CDH13: variants seen among roughly 807,000 people sequenced by gnomAD.
CDH13 encodes cadherin 13.
In CDH13, 24 loss-of-function variants were observed where a neutral mutation model predicts 63.8. That is an observed-to-expected ratio of 0.38 (90% CI 0.27 to 0.53). CDH13 has a LOEUF of 0.53. Among genes scored for constraint, CDH13 ranks in the 20% least tolerant of loss-of-function variants. CDH13 has a pLI of 0.85. For missense variants in CDH13, 1,049 were observed against 903.1 expected, an observed-to-expected ratio of 1.16 and a Z score of -2.07; for synonymous variants, 503 against 355.3, an observed-to-expected ratio of 1.42 and a Z score of -4.67.
At chr16:82,936,100 T>C (rs1199731704) in intron 2 of CDH13, among the ~76,000 whole-genome samples, 1 of 152,176 alleles carries the variant, frequency 6.6e-6, no homozygotes, top group Non-Finnish European at 1.5e-5. Context: ...GTCTGCTTCT[T>C]ACTGTACATG....
chr16:82,844,877 G>C (rs181922256), intron 1 of CDH13: 1 of 151,460 alleles, frequency 6.6e-6, no homozygotes, highest in East Asian at 2.0e-4. Flanking sequence ...GAATGGTCTT[G>C]ATCTCCTGAC....
chr16:83,247,293 TTTACA>T (rs947594579), intron 5 of CDH13, among the ~76,000 whole-genome samples: 3 of 152,116 alleles, frequency 2.0e-5, no homozygotes, highest in Non-Finnish European at 2.9e-5. Flanking sequence ...CCAGACATAA[TTTACA>T]TGGAGGCTTG....
intron 8 of CDH13, among the ~76,000 whole-genome samples, chr16:83,662,987 C>A (rs1056099796): frequency 1.3e-5 from 2 of 152,166 alleles, no homozygotes; most frequent in Non-Finnish European, 2.9e-5. Context: ...GTAAATTTTT[C>A]TCTCAATTTC....
chr16:83,184,975 A>T (rs1179502558), intron 4 of CDH13, among the ~76,000 whole-genome samples: 1 of 151,774 alleles, frequency 6.6e-6, no homozygotes, highest in Non-Finnish European at 1.5e-5. Flanking sequence ...ACACACTTAT[A>T]AGTGTACATG....
chr16:82,840,657 C>T (rs1326347015), intron 1 of CDH13, among the ~76,000 whole-genome samples: 1 of 141,892 alleles, frequency 7.0e-6, no homozygotes, highest in Non-Finnish European at 1.5e-5. Flanking sequence ...TGCACTGCAG[C>T]CTGGGTGATG....
chr16:83,318,184 C>T (rs1048654262), intron 5 of CDH13, among the ~76,000 whole-genome samples: 2 of 152,156 alleles, frequency 1.3e-5, no homozygotes, highest in African/African-American at 4.8e-5. Flanking sequence ...GCTGCTTTTG[C>T]CATTGAGAAA....
chr16:82,842,093 T>C (rs1344147221), intron 1 of CDH13, among the ~76,000 whole-genome samples: 7 of 59,830 alleles, frequency 1.2e-4, no homozygotes, highest in Admixed American at 2.3e-4. Flanking sequence ...GCATTCTACA[T>C]ATATATATAT....
rs533348735 is a variant in CDH13 at position 82,855,752 on chromosome 16, C to T, written c.46-2610C>T. On this transcript the variant is annotated intron_variant, in intron 1 of 13. Coordinates refer to ENST00000567109, the MANE Select transcript of CDH13 (RefSeq NM_001257.5). ...TTGATTTGAGGGAGATGATGTTGGT[C>T]AGGGTGATGACTCCCCCATTTCAAT... Among the ~76,000 whole-genome samples the T allele has an allele frequency of 1.4e-4, 21 of 152,276 alleles. 1 individual carries two copies. In the East Asian group the frequency reaches 3.7e-3, roughly 27 times the overall value.
At chr16:83,433,249 G>A (rs1029768534) in intron 6 of CDH13, among the ~76,000 whole-genome samples, 6 of 152,194 alleles carry the variant, frequency 3.9e-5, no homozygotes, top group African/African-American at 1.2e-4. Context: ...ATTAGTCCAT[G>A]ACTATTTGCT....
intron 2 of CDH13, among the ~76,000 whole-genome samples, chr16:82,928,066 C>T (rs541072198): frequency 2.6e-5 from 4 of 151,930 alleles, no homozygotes; most frequent in Non-Finnish European, 5.9e-5. Flanking sequence ...TGCCTCTCAG[C>T]GAGAGTAGCA....
chr16:83,557,498 A>T (rs547396280), intron 7 of CDH13, among the ~76,000 whole-genome samples: 1 of 152,300 alleles, frequency 6.6e-6, no homozygotes, highest in African/African-American at 2.4e-5. Flanking sequence ...GACATGTTAC[A>T]TTATATGTAC....
chr16:83,378,867 C>T (rs544611894), intron 6 of CDH13, among the ~76,000 whole-genome samples: 17 of 152,260 alleles, frequency 1.1e-4, no homozygotes, highest in African/African-American at 3.4e-4. Context: ...GTGTTCTTAG[C>T]CTTCTAAGCT....
chr16:83,056,716 C>G (rs1034188377), intron 3 of CDH13, among the ~76,000 whole-genome samples: 1 of 152,136 alleles, frequency 6.6e-6, no homozygotes, highest in Admixed American at 6.6e-5. Flanking sequence ...CCATAATCCC[C>G]ACATGTCACG....
At chr16:83,367,840 G>GCACTGT (rs976016220) in intron 6 of CDH13, among the ~76,000 whole-genome samples, 8 of 152,152 alleles carry the variant, frequency 5.3e-5, no homozygotes, top group African/African-American at 1.9e-4. Flanking sequence ...ATTTTGAAAG[G>GCACTGT]CACTGTTTTG....
intron 2 of CDH13, among the ~76,000 whole-genome samples, chr16:83,026,191 T>C (rs8061982): frequency 0.14 from 21,422 of 152,228 alleles, 1,858 homozygotes; most frequent in East Asian, 0.32. Flanking sequence ...CCTCTGATGA[T>C]CCCAAAGGGG....
chr16:83,499,161 A>G (rs1023483053), intron 7 of CDH13, among the ~76,000 whole-genome samples: 2 of 152,250 alleles, frequency 1.3e-5, no homozygotes, highest in African/African-American at 4.8e-5. Context: ...AAATTATGGT[A>G]TATTCCTACA....
At chr16:83,653,065 C>G (rs761044384) in intron 8 of CDH13, among the ~76,000 whole-genome samples, 1 of 152,062 alleles carries the variant, frequency 6.6e-6, no homozygotes, top group Non-Finnish European at 1.5e-5. Context: ...CCATATATTG[C>G]GCAATTCCAT....
At chr16:83,495,231 T>C (rs866336637) in intron 7 of CDH13, among the ~76,000 whole-genome samples, 6 of 152,184 alleles carry the variant, frequency 3.9e-5, no homozygotes, top group Non-Finnish European at 7.3e-5. Context: ...CATAAGCCAT[T>C]AATCAATACT....
chr16:83,307,027 C>T (rs796436101), intron 5 of CDH13, among the ~76,000 whole-genome samples: 6 of 152,300 alleles, frequency 3.9e-5, no homozygotes, highest in African/African-American at 9.6e-5. Flanking sequence ...CCTCTTTCGG[C>T]ATGAATAAGC....
Sources: allele counts gnomAD v4.1 joint callset (sites outside exome capture counted in the v4.1 genomes callset), GRCh38; gene constraint gnomAD v4.1.1; transcripts MANE v1.5; gene names NCBI Gene and HGNC (gene_info 2026-07-23, HGNC 2026-07-21).